NRXN3: variants seen among roughly 807,000 people sequenced by gnomAD.
NRXN3 encodes the protein neurexin III.
NRXN3 carries 32 observed loss-of-function variants against 137.6 expected under a neutral mutation model. The observed-to-expected ratio is 0.23, with a 90% confidence interval of 0.18 to 0.31. The LOEUF (loss-of-function observed/expected upper bound fraction) is 0.31, where lower values mean the gene tolerates loss of function less well. Among genes scored for constraint, NRXN3 ranks in the 10% least tolerant of loss-of-function variants. The pLI is 1.00. For synonymous variants in NRXN3, 798 were observed against 784.5 expected (o/e 1.02, Z -0.29); for missense variants, 1,574 against 2,062.5 (o/e 0.76, Z 4.59).
intron 4 of NRXN3, among the ~76,000 whole-genome samples, chr14:78,640,159 T>G (rs1219152953): frequency 6.6e-6 from 1 of 152,196 alleles, no homozygotes; most frequent in African/African-American, 2.4e-5. Context: ...TCTTAGGTTG[T>G]TCTGCTAGGA....
At chr14:79,028,036 A>G (rs1158997375) in intron 15 of NRXN3, among the ~76,000 whole-genome samples, 1 of 152,172 alleles carries the variant, frequency 6.6e-6, no homozygotes, top group East Asian at 1.9e-4. Flanking sequence ...ATCCTATTCC[A>G]TAATGTTTTA....
At chr14:78,429,299 G>A (rs1158944083) in intron 4 of NRXN3, among the ~76,000 whole-genome samples, 1 of 151,936 alleles carries the variant, frequency 6.6e-6, no homozygotes, top group African/African-American at 2.4e-5. Context: ...GGCTGGTCTT[G>A]AACTCCTGAC....
At chr14:78,249,953 A>G (rs2068328844) in intron 2 of NRXN3, 1 of 339,876 alleles carries the variant, frequency 2.9e-6, no homozygotes. Context: ...TTGAAGCTTC[A>G]GTATCTTCTT....
chr14:78,891,668 C>T (rs1331295687), intron 10 of NRXN3, among the ~76,000 whole-genome samples: 5 of 151,924 alleles, frequency 3.3e-5, no homozygotes, highest in African/African-American at 7.2e-5. Flanking sequence ...TAATAGTGCT[C>T]TTCTGCAGAA....
chr14:78,754,329 C>A (rs949487694), intron 8 of NRXN3, among the ~76,000 whole-genome samples: 5 of 152,144 alleles, frequency 3.3e-5, no homozygotes, highest in African/African-American at 1.2e-4. Flanking sequence ...CTTTGTTCAG[C>A]CCCAGTCCTG....
At chr14:79,662,503 C>T (rs1008292784) in intron 16 of NRXN3, among the ~76,000 whole-genome samples, 3 of 152,074 alleles carry the variant, frequency 2.0e-5, no homozygotes, top group Admixed American at 6.6e-5. Flanking sequence ...TAGTGCACTT[C>T]CCAGGAGGTT....
intron 6 of NRXN3, among the ~76,000 whole-genome samples, chr14:78,693,316 A>G (rs1439097033): frequency 6.6e-6 from 1 of 151,614 alleles, no homozygotes; most frequent in Admixed American, 6.6e-5. Context: ...CATTACCACT[A>G]CTGCTGTAGA....
chr14:79,651,507 T>G (rs2098475760), intron 16 of NRXN3, among the ~76,000 whole-genome samples: 1 of 152,136 alleles, frequency 6.6e-6, no homozygotes, highest in Admixed American at 6.5e-5. Context: ...AAGATGCATT[T>G]TCTTCCCTCA....
intron 4 of NRXN3, among the ~76,000 whole-genome samples, chr14:78,456,526 C>A (rs746766550): frequency 6.6e-6 from 1 of 152,332 alleles, no homozygotes; most frequent in South Asian, 2.1e-4. Flanking sequence ...CTTTTTCTAG[C>A]GTACTATGCT....
intron 4 of NRXN3, among the ~76,000 whole-genome samples, chr14:78,439,452 C>G (rs2094174048): frequency 6.6e-6 from 1 of 152,250 alleles, no homozygotes; most frequent in South Asian, 2.1e-4. Context: ...TGGGAATTGT[C>G]TTTTTTATTC....
intron 15 of NRXN3, among the ~76,000 whole-genome samples, chr14:79,335,870 C>T (rs565674794): frequency 1.3e-5 from 2 of 152,246 alleles, no homozygotes; most frequent in Non-Finnish European, 2.9e-5. Context: ...TCCCATTTAT[C>T]TGTCACTTAG....
intron 15 of NRXN3, among the ~76,000 whole-genome samples, chr14:79,011,330 T>A (rs932446565): frequency 6.7e-6 from 1 of 149,156 alleles, no homozygotes; most frequent in Non-Finnish European, 1.5e-5. Context: ...GGCGCTTTGG[T>A]CTCACAGGTT....
chr14:78,625,214 A>AT (rs200291403), intron 4 of NRXN3, among the ~76,000 whole-genome samples: 176 of 152,322 alleles, frequency 1.2e-3, no homozygotes, highest in African/African-American at 4.1e-3. Flanking sequence ...TGAAGAATAC[A>AT]TTTTTTTAAA....
chr14:78,532,824 C>T (rs572987299), intron 4 of NRXN3, among the ~76,000 whole-genome samples: 2 of 151,928 alleles, frequency 1.3e-5, no homozygotes. Flanking sequence ...TCCAATGAAT[C>T]ATGCCTAGGT....
chr14:79,288,241 T>A lies in NRXN3; in HGVS notation c.3263-178980T>A, dbSNP rs1459839904. 2.0e-5 allele frequency among the ~76,000 whole-genome samples: 3 copies of A among 152,228 alleles called. No individual in the cohort carries two copies. The East Asian group carries it at 5.8e-4, about 29-fold the overall frequency. On this transcript the variant is annotated intron_variant, in intron 15 of 20. Transcript: ENST00000335750. The stretch of plus-strand genomic sequence containing the variant: ...CAACTTCAGTGCAGTCACGCTGAGA[T>A]GGGAAGAATGCAGCTTTCATTTAAA...
At chr14:79,363,057 A>G (rs577829138) in intron 15 of NRXN3, among the ~76,000 whole-genome samples, 1 of 150,972 alleles carries the variant, frequency 6.6e-6, no homozygotes, top group South Asian at 2.1e-4. Flanking sequence ...GAGTAGTGCA[A>G]TGGTGTGATC....
intron 19 of NRXN3, among the ~76,000 whole-genome samples, chr14:79,789,544 G>T (rs1170683220): frequency 6.6e-6 from 1 of 152,102 alleles, no homozygotes; most frequent in Non-Finnish European, 1.5e-5. Flanking sequence ...CATTTGTATG[G>T]TTCTTGATGA....
intron 8 of NRXN3, among the ~76,000 whole-genome samples, chr14:78,750,965 T>C (rs1028115101): frequency 6.6e-6 from 1 of 152,168 alleles, no homozygotes; most frequent in Non-Finnish European, 1.5e-5. Flanking sequence ...TATATTAAAC[T>C]GACATTAACA....
intron 4 of NRXN3, among the ~76,000 whole-genome samples, chr14:78,342,524 C>T (rs1469403441): frequency 4.6e-5 from 7 of 152,272 alleles, no homozygotes; most frequent in Admixed American, 4.6e-4. Context: ...TTGTATGTTT[C>T]ACATTCATTA....
Sources: gnomAD v4.1 joint callset for allele counts (sites outside exome capture counted in the v4.1 genomes callset) on GRCh38, gnomAD v4.1.1 for gene constraint, MANE v1.5 for transcripts, NCBI Gene and HGNC (gene_info 2026-07-23, HGNC 2026-07-21) for gene names.